The following C14orf39 variants were observed in gnomAD, a reference collection of about 807,000 sequenced individuals.
C14orf39 encodes chromosome 14 open reading frame 39, also known as protein SIX6OS1.
C14orf39 carries 66 observed loss-of-function variants against 85.6 expected under a neutral mutation model. The observed-to-expected ratio is 0.77, with a 90% confidence interval of 0.63 to 0.95. C14orf39 has a LOEUF of 0.95. Among genes scored for constraint, C14orf39 ranks in the 40% least tolerant of loss-of-function variants. C14orf39 has a pLI of 0.00. For synonymous variants in C14orf39, 242 were observed against 214.0 expected, an observed-to-expected ratio of 1.13 and a Z score of -1.14; for missense variants, 735 against 663.9, an observed-to-expected ratio of 1.11 and a Z score of -1.18.
chr14:60,509,752 G>T, intron 1 of C14orf39: 1 of 1,613,296 alleles, frequency 6.2e-7, no homozygotes, highest in Admixed American at 1.7e-5. Flanking sequence ...TAAGGAAGAA[G>T]TTCCCGCTGC....
intron 17 of C14orf39, among the ~76,000 whole-genome samples, chr14:60,441,641 G>GAT (rs976580624): frequency 1.7e-4 from 26 of 151,952 alleles, no homozygotes; most frequent in African/African-American, 6.3e-4. Context: ...AAGCATACCT[G>GAT]ATATAAAATA....
At chr14:60,507,975 G>A (rs1893228304) in intron 1 of C14orf39, among the ~76,000 whole-genome samples, 1 of 152,156 alleles carries the variant, frequency 6.6e-6, no homozygotes, top group Non-Finnish European at 1.5e-5. Context: ...ATGGTATGAT[G>A]TGGACTGCCA....
chr14:60,509,211 A>G, intron 1 of C14orf39: 1 of 608,882 alleles, frequency 1.6e-6, no homozygotes, highest in Non-Finnish European at 2.9e-6. Context: ...CAAGCCGCGG[A>G]GCCAGCACCT....
At chr14:60,482,697 G>T (rs1159674766) in intron 4 of C14orf39, among the ~76,000 whole-genome samples, 1 of 151,948 alleles carries the variant, frequency 6.6e-6, no homozygotes, top group Non-Finnish European at 1.5e-5. Context: ...CATTAATAGG[G>T]GAATGGCTAA....
chr14:60,490,483 A>G (rs186072566), upstream of C14orf39, among the ~76,000 whole-genome samples: 42 of 143,390 alleles, frequency 2.9e-4, no homozygotes, highest in African/African-American at 7.6e-4. Context: ...AAATAAATAA[A>G]TAAATAGGTG....
At chr14:60,511,295 A>T in intron 1 of C14orf39, 1 of 1,600,856 alleles carries the variant, frequency 6.2e-7, no homozygotes, top group South Asian at 1.1e-5. Flanking sequence ...CAGTGTAAAA[A>T]CGAGAAAAAC....
At chr14:60,442,313 T>C (rs1160412613) in intron 16 of C14orf39, among the ~76,000 whole-genome samples, 182 bp from the exon 17 acceptor site, 1 of 152,228 alleles carries the variant, frequency 6.6e-6, no homozygotes, top group Non-Finnish European at 1.5e-5. Context: ...CATTTACTTA[T>C]ATTAAAATAA....
At chr14:60,499,374 T>C (rs982643251) in exon 2 of C14orf39, 7 of 152,056 alleles carry the variant, frequency 4.6e-5, no homozygotes. Flanking sequence ...GAATAGAAGA[T>C]CCAGAATAAT....
intron 1 of C14orf39, among the ~76,000 whole-genome samples, chr14:60,504,452 T>C (rs1407050436): frequency 6.6e-6 from 1 of 152,264 alleles, no homozygotes; most frequent in African/African-American, 2.4e-5. Context: ...TTTAAGTTTC[T>C]ATGTGTATTT....
intron 15 of C14orf39, among the ~76,000 whole-genome samples, chr14:60,456,570 A>T (rs1421234431): frequency 2.0e-5 from 3 of 151,882 alleles, no homozygotes; most frequent in African/African-American, 4.8e-5. Flanking sequence ...TTGACATTTT[A>T]AATTTTCTTT....
intron 16 of C14orf39, among the ~76,000 whole-genome samples, chr14:60,453,449 G>A (rs909169924): frequency 2.0e-5 from 3 of 149,820 alleles, no homozygotes; most frequent in Non-Finnish European, 4.4e-5. Context: ...TATATTTAAA[G>A]TGTGTTTCTT....
In C14orf39 at chr14:60,509,120, G is replaced by A. The variant is rs1893248776; in HGVS notation, c.-144+6275C>T. The A allele has an allele frequency of 3.2e-5, 16 of 496,092 alleles. No homozygotes were observed. The South Asian group carries it at 3.3e-4, about 10-fold the overall frequency. 30.7% of individuals were successfully genotyped at this position (496,092 alleles called of 1,614,324 possible). Reference sequence around the variant, plus strand: ...GTGACTGACAGGGGGTCTCCATGGCGCCCGCGCCGCCAATCCGCCCACCCC... The same window carrying A: ...GTGACTGACAGGGGGTCTCCATGGCACCCGCGCCGCCAATCCGCCCACCCC... On this transcript the variant is annotated intron_variant, in intron 1 of 5. Coordinates refer to the C14orf39 transcript ENST00000556799.
chr14:60,446,675 G>A (rs1398660917), intron 16 of C14orf39, among the ~76,000 whole-genome samples: 1 of 152,094 alleles, frequency 6.6e-6, no homozygotes, highest in African/African-American at 2.4e-5. Flanking sequence ...TAGAATAAAA[G>A]GGAATCCCCC....
At chr14:60,498,531 C>T (rs1893099450) in intron 2 of C14orf39, among the ~76,000 whole-genome samples, 1 of 152,210 alleles carries the variant, frequency 6.6e-6, no homozygotes, top group Non-Finnish European at 1.5e-5. Flanking sequence ...ATATCTACAA[C>T]TCAGGGAATT....
Position 60,461,510 on chromosome 14 carries a change from G to T in C14orf39, c.1056C>A (p.Val352=). The T allele has an allele frequency of 1.9e-6, 3 of 1,590,264 alleles. No homozygotes were observed. Among genetic ancestry groups the T allele is most frequent in the South Asian group, 2.3e-5 (2 of 86,228 alleles). The change falls in exon 12 of 18, where the codon GTC becomes GTA. Residue 352 remains valine (V), a splice_region_variant and synonymous_variant. Transcript: ENST00000321731. ...ATTTTCTTATTTTAAAAAGTTACCTGACTTGCATAAACTTTTGTGAACTTG... is the reference window on the plus strand; with the variant it reads ...ATTTTCTTATTTTAAAAAGTTACCTTACTTGCATAAACTTTTGTGAACTTG... ...TITSSQKFMQ[V]RLLTPQKQSN...
In C14orf39 at chr14:60,461,497, TA is replaced by T. The variant is rs772483753; in HGVS notation, c.1058+10del. ...CAGAGATTAAAGCATTTTCTTATTT[TA>T]AAAAGTTACCTGACTTGCATAAACT... On this transcript the variant is annotated intron_variant, in intron 12 of 17. Transcript: ENST00000321731. The T allele has an allele frequency of 4.5e-5, 71 of 1,581,858 alleles. No individual in the cohort carries two copies. Among genetic ancestry groups the T allele is most frequent in the Non-Finnish European group, 5.9e-5 (69 of 1,166,212 alleles).
intron 4 of C14orf39, among the ~76,000 whole-genome samples, chr14:60,479,720 T>C (rs1041872334): frequency 3.9e-5 from 6 of 152,196 alleles, no homozygotes; most frequent in Non-Finnish European, 7.3e-5. Context: ...AATTTGTAAC[T>C]TTAAAAAGCA....
chr14:60,479,622 C>T (rs532204325), intron 4 of C14orf39, among the ~76,000 whole-genome samples: 1 of 152,162 alleles, frequency 6.6e-6, no homozygotes, highest in Non-Finnish European at 1.5e-5. Context: ...TGATGTACAT[C>T]CTTCTAGACT....
intron 11 of C14orf39, among the ~76,000 whole-genome samples, chr14:60,463,449 A>G (rs1891634036): frequency 6.6e-6 from 1 of 151,778 alleles, no homozygotes; most frequent in African/African-American, 2.4e-5. Context: ...CCTTCACCAC[A>G]CTGTTATAAT....
Sources: gnomAD v4.1 joint callset for allele counts (sites outside exome capture counted in the v4.1 genomes callset) on GRCh38, gnomAD v4.1.1 for gene constraint, MANE v1.5 for transcripts, NCBI Gene and HGNC (gene_info 2026-07-23, HGNC 2026-07-21) for gene names.